The following TAFA2 variants were observed in gnomAD, a reference collection of about 807,000 sequenced individuals.
TAFA2 encodes TAFA chemokine like family member 2.
A neutral mutation model predicts 18.8 loss-of-function variants in TAFA2; 7 were observed. That is an observed-to-expected ratio of 0.37 (90% CI 0.21 to 0.70). TAFA2 has a LOEUF of 0.70. TAFA2 is among the 30% of genes least tolerant of loss of function. TAFA2 has a pLI of 0.53. For synonymous variants in TAFA2, 60 were observed against 54.2 expected (o/e 1.11, Z -0.47); for missense variants, 122 against 158.1 (o/e 0.77, Z 1.23).
At chr12:62,258,899 T>A (rs1362064601), upstream of TAFA2, 1 of 191,012 alleles carries the variant, frequency 5.2e-6, no homozygotes, top group Non-Finnish European at 1.2e-5. Context: ...GAGAAACTCT[T>A]AATCTTTTAA....
intron 4 of TAFA2, among the ~76,000 whole-genome samples, chr12:61,738,014 G>A (rs576619536): frequency 6.6e-6 from 1 of 152,000 alleles, no homozygotes; most frequent in South Asian, 2.1e-4. Flanking sequence ...AATGTACTGA[G>A]GTCCAAAAAT....
At chr12:62,114,933 T>C (rs975185127) in intron 1 of TAFA2, among the ~76,000 whole-genome samples, 3 of 152,178 alleles carry the variant, frequency 2.0e-5, no homozygotes, top group African/African-American at 7.2e-5. Context: ...GTCATAGCTC[T>C]TACATGGGCC....
At chr12:62,234,284 CA>C (rs1272104217) in intron 1 of TAFA2, 2 of 406,442 alleles carry the variant, frequency 4.9e-6, no homozygotes, top group Non-Finnish European at 9.5e-6. Flanking sequence ...ATTGTAGGCT[CA>C]AAAAACATTT....
chr12:61,912,947 A>G (rs994508061), intron 1 of TAFA2, among the ~76,000 whole-genome samples: 1 of 152,206 alleles, frequency 6.6e-6, no homozygotes, highest in African/African-American at 2.4e-5. Context: ...AAAAATGTAT[A>G]GAATCCACAC....
At chr12:61,752,925 T>C (rs912889877) in intron 4 of TAFA2, among the ~76,000 whole-genome samples, 1 of 152,016 alleles carries the variant, frequency 6.6e-6, no homozygotes, top group Admixed American at 6.6e-5. Flanking sequence ...CTTTGCTAAT[T>C]CTATAAAGAA....
At chr12:62,125,594 A>T (rs898160663) in intron 1 of TAFA2, among the ~76,000 whole-genome samples, 6 of 152,134 alleles carry the variant, frequency 3.9e-5, no homozygotes, top group Non-Finnish European at 8.8e-5. Flanking sequence ...TTAATAGGGC[A>T]TATTTGTGTT....
chr12:61,846,053 T>C (rs1338802280), intron 2 of TAFA2, among the ~76,000 whole-genome samples: 4 of 152,132 alleles, frequency 2.6e-5, no homozygotes, highest in Admixed American at 6.5e-5. Flanking sequence ...TGTTTTGAAA[T>C]AAAAATACTA....
At chr12:61,978,528 C>T (rs1335173764) in intron 1 of TAFA2, among the ~76,000 whole-genome samples, 1 of 151,826 alleles carries the variant, frequency 6.6e-6, no homozygotes, top group African/African-American at 2.4e-5. Flanking sequence ...AGAAGTACCA[C>T]GGGGGATGCA....
intron 1 of TAFA2, among the ~76,000 whole-genome samples, chr12:61,903,960 T>C (rs1282332866): frequency 6.6e-6 from 1 of 152,140 alleles, no homozygotes; most frequent in Non-Finnish European, 1.5e-5. Flanking sequence ...ATGCCTGGCT[T>C]TTGGCAAGTC....
intron 1 of TAFA2, chr12:62,235,270 C>G (rs2062831747): frequency 4.5e-6 from 3 of 660,540 alleles, no homozygotes; most frequent in South Asian, 3.4e-5. Context: ...CCCCCTTCAT[C>G]CACAATCTTC....
intron 1 of TAFA2, among the ~76,000 whole-genome samples, chr12:61,988,932 T>C (rs529919368): frequency 1.7e-4 from 26 of 152,314 alleles, no homozygotes; most frequent in African/African-American, 6.0e-4. Flanking sequence ...CCAACCTCCA[T>C]ATATGGGCAG....
At position 62,235,205 on chromosome 12, in the gene TAFA2, C is replaced by T. The variant is rs760609382; in HGVS notation, c.-130+23558G>A. 1.7e-5 allele frequency: 11 copies of T among 657,822 alleles called. No homozygotes were observed. In the Admixed American group the frequency reaches 2.2e-4, roughly 13 times the overall value. The allele number at this position is 657,822 out of a possible 1,614,324, so 40.7% of individuals were successfully genotyped here. ...AAATCATCCGGAAAGGAGTGGGAGT[C>T]GCTTAGGGGCAGTAGCTCACGCCAT... On this transcript the variant is annotated intron_variant, in intron 1 of 5. Transcript: ENST00000551619.
chr12:61,899,415 T>C (rs1242926316), intron 1 of TAFA2, among the ~76,000 whole-genome samples: 1 of 152,202 alleles, frequency 6.6e-6, no homozygotes, highest in Non-Finnish European at 1.5e-5. Flanking sequence ...TGACTTATAG[T>C]TCCACATGGC....
chr12:62,159,147 G>A (rs1358263696), intron 1 of TAFA2, among the ~76,000 whole-genome samples: 3 of 152,162 alleles, frequency 2.0e-5, no homozygotes, highest in Non-Finnish European at 2.9e-5. Flanking sequence ...CTGTAAATGC[G>A]TTAGATGTGG....
chr12:62,247,904 T>C (rs2062894563), intron 1 of TAFA2, among the ~76,000 whole-genome samples: 1 of 150,026 alleles, frequency 6.7e-6, no homozygotes, highest in African/African-American at 2.4e-5. Context: ...AATGAAAAAT[T>C]AGAAAGACTG....
intron 1 of TAFA2, among the ~76,000 whole-genome samples, chr12:62,104,058 A>C (rs1869334803): frequency 1.3e-5 from 2 of 152,214 alleles, no homozygotes; most frequent in African/African-American, 2.4e-5. Flanking sequence ...GGCAATGCCA[A>C]GTTTAACATT....
chr12:61,938,408 A>G (rs1183187490), intron 1 of TAFA2, among the ~76,000 whole-genome samples: 1 of 152,128 alleles, frequency 6.6e-6, no homozygotes, highest in Non-Finnish European at 1.5e-5. Context: ...GGTTTGGTTT[A>G]CAGATTATTT....
chr12:61,997,187 GTGTGTA>G (rs1255482320), intron 1 of TAFA2, among the ~76,000 whole-genome samples: 1 of 151,266 alleles, frequency 6.6e-6, no homozygotes, highest in Non-Finnish European at 1.5e-5. Context: ...GTGTGTGTGT[GTGTGTA>G]TATATATATA....
chr12:62,072,978 A>G (rs768862178), intron 1 of TAFA2, among the ~76,000 whole-genome samples: 2 of 152,238 alleles, frequency 1.3e-5, no homozygotes, highest in African/African-American at 2.4e-5. Context: ...ATCAACCTAA[A>G]AAATGTTCTT....
Sources: gnomAD v4.1 joint callset for allele counts (sites outside exome capture counted in the v4.1 genomes callset) on GRCh38, gnomAD v4.1.1 for gene constraint, MANE v1.5 for transcripts, NCBI Gene and HGNC (gene_info 2026-07-23, HGNC 2026-07-21) for gene names.